Variants in WDR70 observed in about 807,000 individuals in gnomAD.
The protein encoded by WDR70 is WD repeat-containing protein 70.
A neutral mutation model predicts 88.6 loss-of-function variants in WDR70; 53 were observed. The observed-to-expected ratio is 0.60, with a 90% CI of 0.48 to 0.75. WDR70 has a LOEUF of 0.75. Ranked by LOEUF, WDR70 falls within the 30% of genes least tolerant of loss-of-function variation. The probability of loss-of-function intolerance (pLI) is 0.00; values close to 1 mark genes in which losing one functional copy is unlikely to be tolerated. For missense variants in WDR70, 610 were observed against 823.2 expected, an observed-to-expected ratio of 0.74 and a Z score of 3.17; for synonymous variants, 280 against 270.0, an observed-to-expected ratio of 1.04 and a Z score of -0.36.
At chr5:37,473,849 C>T (rs1238066017) in intron 7 of WDR70, among the ~76,000 whole-genome samples, 1 of 152,018 alleles carries the variant, frequency 6.6e-6, no homozygotes, top group Non-Finnish European at 1.5e-5. Context: ...TTGTTTGGAA[C>T]ATTTTGTATC....
At chr5:37,745,456 C>T (rs1369499336) in intron 17 of WDR70, among the ~76,000 whole-genome samples, 1 of 151,328 alleles carries the variant, frequency 6.6e-6, no homozygotes, top group East Asian at 1.9e-4. Flanking sequence ...GCTAAATGTC[C>T]CAATTAAAAG....
At chr5:37,506,840 A>G (rs1479976825) in intron 8 of WDR70, 3 of 1,277,076 alleles carry the variant, frequency 2.3e-6, no homozygotes, top group South Asian at 2.4e-5. Context: ...CTGTTCAGGA[A>G]CAGGGTCACC....
At chr5:37,593,366 T>C (rs905311580) in intron 9 of WDR70, among the ~76,000 whole-genome samples, 3 of 152,154 alleles carry the variant, frequency 2.0e-5, no homozygotes, top group African/African-American at 4.8e-5. Context: ...GTTCTCATTG[T>C]TCAATTCCCA....
intron 7 of WDR70, among the ~76,000 whole-genome samples, chr5:37,456,271 T>A (rs1738839031): frequency 6.6e-6 from 1 of 152,224 alleles, no homozygotes; most frequent in Non-Finnish European, 1.5e-5. Context: ...GTATTGTCAA[T>A]ATGTTAAATT....
chr5:37,469,125 A>G (rs751287543), intron 7 of WDR70, among the ~76,000 whole-genome samples: 74 of 152,316 alleles, frequency 4.9e-4, no homozygotes, highest in Non-Finnish European at 8.2e-4. Context: ...ATACAGCTCC[A>G]TTCTTAGAAA....
At chr5:37,688,761 T>C (rs1746688057) in intron 10 of WDR70, among the ~76,000 whole-genome samples, 1 of 127,864 alleles carries the variant, frequency 7.8e-6, no homozygotes. Flanking sequence ...GCTCCCAGTG[T>C]GATCGACGCA....
intron 17 of WDR70, among the ~76,000 whole-genome samples, chr5:37,731,409 G>A (rs943811072): frequency 6.6e-6 from 1 of 152,138 alleles, no homozygotes; most frequent in African/African-American, 2.4e-5. Context: ...TGGATAATAT[G>A]ATAACAACTA....
intron 10 of WDR70, among the ~76,000 whole-genome samples, chr5:37,666,953 C>G (rs1028267814): frequency 6.6e-6 from 1 of 152,080 alleles, no homozygotes; most frequent in Non-Finnish European, 1.5e-5. Flanking sequence ...ATTCCATGCA[C>G]TTAGGACAAT....
intron 9 of WDR70, among the ~76,000 whole-genome samples, chr5:37,524,500 C>T (rs1741197562): frequency 6.6e-6 from 1 of 152,300 alleles, no homozygotes; most frequent in African/African-American, 2.4e-5. Flanking sequence ...TGGAAATAAA[C>T]AACCGCTACC....
intron 17 of WDR70, among the ~76,000 whole-genome samples, chr5:37,747,141 A>G (rs1748658837): frequency 1.3e-5 from 2 of 152,212 alleles, no homozygotes; most frequent in Non-Finnish European, 2.9e-5. Flanking sequence ...AACATAATCC[A>G]TCACATAAAC....
chr5:37,528,926 T>A (rs1206669879), intron 9 of WDR70, among the ~76,000 whole-genome samples: 1 of 142,172 alleles, frequency 7.0e-6, no homozygotes. Flanking sequence ...TTTTTTTTGA[T>A]GTTATCTTGT....
intron 9 of WDR70, among the ~76,000 whole-genome samples, chr5:37,535,023 G>T (rs1015260864): frequency 2.6e-5 from 4 of 152,012 alleles, no homozygotes; most frequent in African/African-American, 9.7e-5. Context: ...CTCACTATGT[G>T]ATCTAAGTTT....
intron 9 of WDR70, among the ~76,000 whole-genome samples, chr5:37,557,903 A>ACTCTTTTGAATACTCTTCAAAAGAGTC (rs1742341302): frequency 7.6e-6 from 1 of 131,306 alleles, no homozygotes; most frequent in Admixed American, 7.8e-5. Flanking sequence ...TCAGATTTAT[A>ACTCTTTTGAATACTCTTCAAAAGAGTC]CTCTTTTGAA....
At chr5:37,505,772 T>G in intron 8 of WDR70, 1 of 1,402,520 alleles carries the variant, frequency 7.1e-7, no homozygotes, top group Non-Finnish European at 1.0e-6. Context: ...TCAAGTTGGC[T>G]TCTTGAAGAT....
intron 7 of WDR70, among the ~76,000 whole-genome samples, chr5:37,467,685 G>A (rs563865202): frequency 2.6e-5 from 4 of 151,744 alleles, no homozygotes; most frequent in East Asian, 1.9e-4. Flanking sequence ...TAAGGTGCCC[G>A]CCACTGCGCC....
chr5:37,563,342 T>G (rs1466708703), intron 9 of WDR70, among the ~76,000 whole-genome samples: 108 of 27,008 alleles, frequency 4.0e-3, no homozygotes, highest in East Asian at 6.8e-3. Context: ...CGGCTGGCCG[T>G]GCAGAGGGGC....
chr5:37,735,256 TG>T (rs1381847105), intron 17 of WDR70, among the ~76,000 whole-genome samples: 1 of 152,148 alleles, frequency 6.6e-6, no homozygotes, highest in African/African-American at 2.4e-5. Context: ...AAAGTGTTTT[TG>T]TTCACTTTCA....
At chr5:37,636,063 T>A (rs1176760800) in intron 10 of WDR70, among the ~76,000 whole-genome samples, 1 of 152,204 alleles carries the variant, frequency 6.6e-6, no homozygotes, top group Admixed American at 6.5e-5. Context: ...ACCTCTTTCC[T>A]TTATAAATTA....
intron 9 of WDR70, among the ~76,000 whole-genome samples, chr5:37,531,587 CTTTTTTTTTTTT>C (rs149831770): frequency 4.2e-4 from 33 of 77,740 alleles, no homozygotes; most frequent in African/African-American, 9.9e-4. Flanking sequence ...TAAAGTTTTT[CTTTTTTTTTTTT>C]TTTTTTTTGT....
Sources: allele counts gnomAD v4.1 joint callset (sites outside exome capture counted in the v4.1 genomes callset), GRCh38; gene constraint gnomAD v4.1.1; transcripts MANE v1.5; gene names NCBI Gene and HGNC (gene_info 2026-07-23, HGNC 2026-07-21).